Variants in SH3RF3 observed in about 807,000 individuals in gnomAD.
SH3RF3 encodes the protein SH3 domain containing ring finger 3.
In SH3RF3, 29 loss-of-function variants were observed where a neutral mutation model predicts 66.3. The observed-to-expected ratio is 0.44, with a 90% CI of 0.33 to 0.60. The LOEUF is 0.60. Ranked by LOEUF, SH3RF3 falls within the 20% of genes least tolerant of loss-of-function variation. SH3RF3 has a pLI of 0.04. For synonymous variants in SH3RF3, 583 were observed against 532.0 expected (o/e 1.10, Z -1.32); for missense variants, 1,194 against 1,190.9 (o/e 1.00, Z -0.04).
chr2:109,149,359 A>G (rs777280664), intron 1 of SH3RF3, among the ~76,000 whole-genome samples: 1 of 152,338 alleles, frequency 6.6e-6, no homozygotes, highest in African/African-American at 2.4e-5. Flanking sequence ...ATCAAGAGTC[A>G]AGTGTCTGGC....
At chr2:109,496,562 C>T (rs1286507249) in intron 9 of SH3RF3, among the ~76,000 whole-genome samples, 1 of 152,206 alleles carries the variant, frequency 6.6e-6, no homozygotes, top group Non-Finnish European at 1.5e-5. Flanking sequence ...GCAGCACGGC[C>T]TGGCCGACTC....
In SH3RF3 at chr2:109,164,537, G is replaced by A. The variant is rs115870432; in HGVS notation, c.573+34424G>A. 6.1e-3 allele frequency among the ~76,000 whole-genome samples: 931 copies of A among 152,178 alleles called. 7 individuals carry two copies. The highest frequency in any genetic ancestry group is 0.021 in the African/African-American group (881 of 41,498). ...TTCGGCCAAGCCTGGCTGTTTCCCA[G>A]TTTACAGCTAGTATTTACTCTTCTA... On this transcript the variant is annotated intron_variant, in intron 1 of 9. Coordinates refer to ENST00000309415, the MANE Select transcript of SH3RF3 (RefSeq NM_001099289.3).
intron 1 of SH3RF3, among the ~76,000 whole-genome samples, chr2:109,174,967 A>G (rs1677883127): frequency 6.6e-6 from 1 of 152,216 alleles, no homozygotes; most frequent in African/African-American, 2.4e-5. Flanking sequence ...GGTATATTTA[A>G]AGAGTGATTT....
At chr2:109,140,508 G>A (rs1676921794) in intron 1 of SH3RF3, among the ~76,000 whole-genome samples, 1 of 151,802 alleles carries the variant, frequency 6.6e-6, no homozygotes, top group East Asian at 1.9e-4. Flanking sequence ...AGCCTCCCGA[G>A]TAGCTGGGAC....
Position 109,436,952 on chromosome 2 carries a change from C to T in SH3RF3, c.1634C>T (p.Ala545Val), listed in dbSNP as rs1410552344. The T allele has an allele frequency of 6.2e-7, 1 of 1,613,848 alleles. No homozygotes were observed. Among genetic ancestry groups the T allele is most frequent in the Non-Finnish European group, 8.5e-7 (1 of 1,179,898 alleles). The change falls in exon 7 of 10, where the codon GCC (alanine) becomes GTC (valine). Residue 545 changes from alanine to valine, a missense_variant. Transcript: ENST00000309415. ...AATGTAGTCGGAGGGTCTCCACTGG[C>T]CAAAGGGATAACCACAACCATGCAC... The part of the protein sequence containing the change: ...RNNVVGGSPL[A>V]KGITTTMHPG...
At chr2:109,199,583 GGA>G (rs1678602951) in intron 1 of SH3RF3, among the ~76,000 whole-genome samples, 8 of 238 alleles carry the variant, frequency 0.034, no homozygotes, top group Admixed American at 0.056. Flanking sequence ...GGAATGGAAT[GGA>G]ATGGAATGGA....
intron 1 of SH3RF3, among the ~76,000 whole-genome samples, chr2:109,283,847 C>T (rs975099228): frequency 6.6e-5 from 10 of 152,200 alleles, no homozygotes; most frequent in African/African-American, 2.4e-4. Context: ...TGCTGCTGAG[C>T]CACTGGGGAT....
Position 109,490,910 on chromosome 2 carries a change from C to G in SH3RF3, c.2454C>G (p.Pro818=), listed in dbSNP as rs763811912. ...CGCTGTCCATGGCTGCCATCCGCCC[C>G]GAGCCCAAGCTGTTGCCCAGAGAGA... ...QAPLSMAAIR[P]EPKLLPRERY... Residue 818 remains proline (P), a synonymous_variant, in exon 9 of 10, where the codon CCC becomes CCG. Coordinates refer to ENST00000309415, the MANE Select transcript of SH3RF3 (RefSeq NM_001099289.3). The G allele has an allele frequency of 1.1e-5, 16 of 1,511,692 alleles. No homozygotes were observed. Among genetic ancestry groups the G allele is most frequent in the Admixed American group, 2.0e-5 (1 of 49,770 alleles). 93.6% of individuals were successfully genotyped at this position (1,511,692 alleles called of 1,614,324 possible).
At chr2:109,234,994 A>G (rs1028517970) in intron 1 of SH3RF3, among the ~76,000 whole-genome samples, 14 of 152,184 alleles carry the variant, frequency 9.2e-5, no homozygotes, top group Admixed American at 5.2e-4. Flanking sequence ...TGACTATGGC[A>G]TATCTTTATC....
chr2:109,372,625 G>T (rs1683298030), intron 3 of SH3RF3, among the ~76,000 whole-genome samples: 1 of 152,216 alleles, frequency 6.6e-6, no homozygotes, highest in South Asian at 2.1e-4. Context: ...CATTCTCAAG[G>T]TCCCACAGCC....
chr2:109,280,053 G>A (rs893198860), intron 1 of SH3RF3, among the ~76,000 whole-genome samples: 1 of 152,140 alleles, frequency 6.6e-6, no homozygotes, highest in African/African-American at 2.4e-5. Flanking sequence ...ATGCCAGCCA[G>A]GCTCCCCTCC....
chr2:109,259,732 C>A (rs1031263941), intron 1 of SH3RF3, among the ~76,000 whole-genome samples: 4 of 152,224 alleles, frequency 2.6e-5, no homozygotes, highest in African/African-American at 9.6e-5. Flanking sequence ...CTTTTCACTT[C>A]TTTTTCTTCA....
At chr2:109,367,693 T>C (rs1359486069) in intron 2 of SH3RF3, among the ~76,000 whole-genome samples, 1 of 152,276 alleles carries the variant, frequency 6.6e-6, no homozygotes, top group Non-Finnish European at 1.5e-5. Context: ...GTAATTTATT[T>C]AACCAGTCCC....
chr2:109,426,481 A>G (rs1677031076), intron 5 of SH3RF3, among the ~76,000 whole-genome samples: 1 of 152,240 alleles, frequency 6.6e-6, no homozygotes, highest in Admixed American at 6.5e-5. Flanking sequence ...AACTAGAATT[A>G]GAAATTGAAC....
At position 109,408,568 on chromosome 2, in the gene SH3RF3, C is replaced by T. The variant is rs368598110; in HGVS notation, c.1299+9625C>T. Among the ~76,000 whole-genome samples the T allele has an allele frequency of 2.3e-4, 35 of 152,384 alleles. 1 individual carries two copies. The highest frequency in any genetic ancestry group is 2.0e-3 in the Admixed American group (30 of 15,306). ...TCTCAGGACCTCGTCCTCCCATTCG[C>T]TGTCCCCTCTACCAGCCCGTGAGCT... On this transcript the variant is annotated intron_variant, in intron 4 of 9. Transcript: ENST00000309415.
chr2:109,299,515 C>T (rs1255808923), intron 1 of SH3RF3, among the ~76,000 whole-genome samples: 1 of 152,082 alleles, frequency 6.6e-6, no homozygotes, highest in East Asian at 1.9e-4. Flanking sequence ...TAGGCCTTAG[C>T]CTTGCACCCC....
At chr2:109,428,819 C>T (rs1373673325) in intron 5 of SH3RF3, among the ~76,000 whole-genome samples, 1 of 152,110 alleles carries the variant, frequency 6.6e-6, no homozygotes, top group African/African-American at 2.4e-5. Context: ...TGTTGAGCTG[C>T]CAAGGTGTTT....
At chr2:109,421,229 G>A (rs1676867081) in intron 5 of SH3RF3, among the ~76,000 whole-genome samples, 1 of 152,242 alleles carries the variant, frequency 6.6e-6, no homozygotes, top group Non-Finnish European at 1.5e-5. Context: ...CAAATGAGAG[G>A]CAGGATGCAG....
At chr2:109,425,277 A>G (rs1676996231) in intron 5 of SH3RF3, among the ~76,000 whole-genome samples, 2 of 152,230 alleles carry the variant, frequency 1.3e-5, no homozygotes, top group Non-Finnish European at 2.9e-5. Flanking sequence ...TGCAACATAA[A>G]AGTACAAGGT....
Sources: gnomAD v4.1 joint callset for allele counts (sites outside exome capture counted in the v4.1 genomes callset) on GRCh38, gnomAD v4.1.1 for gene constraint, MANE v1.5 for transcripts, NCBI Gene and HGNC (gene_info 2026-07-23, HGNC 2026-07-21) for gene names.